MORC1: variants seen among roughly 807,000 people sequenced by gnomAD.
MORC1 encodes the protein MORC family CW-type zinc finger protein 1.
A neutral mutation model predicts 134.9 loss-of-function variants in MORC1; 59 were observed. The observed-to-expected ratio is 0.44, with a 90% confidence interval of 0.35 to 0.54. MORC1 has a LOEUF of 0.54. Among genes scored for constraint, MORC1 ranks in the 20% least tolerant of loss-of-function variants. MORC1 has a pLI of 0.00. For synonymous variants in MORC1, 395 were observed against 391.7 expected, an observed-to-expected ratio of 1.01 and a Z score of -0.10; for missense variants, 947 against 1,134.5, an observed-to-expected ratio of 0.83 and a Z score of 2.37.
At chr3:109,003,412 C>CACACAG (rs1464766992) in intron 20 of MORC1, among the ~76,000 whole-genome samples, 1 of 151,620 alleles carries the variant, frequency 6.6e-6, no homozygotes, top group East Asian at 1.9e-4. Context: ...CACACACACA[C>CACACAG]ACACACACAC....
At chr3:109,111,554 T>C (rs184633545) in intron 2 of MORC1, among the ~76,000 whole-genome samples, 254 of 152,366 alleles carry the variant, frequency 1.7e-3, no homozygotes, top group Middle Eastern at 3.4e-3. Flanking sequence ...TTTACAATTA[T>C]TTTTAAAAGT....
At chr3:109,061,934 A>T in intron 11 of MORC1, 54 bp downstream of exon 11, 1 of 1,504,758 alleles carries the variant, frequency 6.6e-7, no homozygotes, top group Non-Finnish European at 9.3e-7. Flanking sequence ...GCACAGGAAA[A>T]AGCAAATGAC....
chr3:109,059,609 G>A (rs1465319180), intron 12 of MORC1, among the ~76,000 whole-genome samples, 197 bp downstream of exon 12: 1 of 151,952 alleles, frequency 6.6e-6, no homozygotes, highest in East Asian at 1.9e-4. Context: ...ACGTGTACGT[G>A]CAAATATATA....
chr3:109,107,835 T>C (rs1369788390), intron 3 of MORC1, among the ~76,000 whole-genome samples: 1 of 152,160 alleles, frequency 6.6e-6, no homozygotes, highest in Non-Finnish European at 1.5e-5. Flanking sequence ...AAAACATGAA[T>C]AGGTAATTTT....
intron 22 of MORC1, among the ~76,000 whole-genome samples, chr3:108,986,207 T>A (rs1384769974): frequency 6.6e-6 from 1 of 152,018 alleles, no homozygotes; most frequent in Non-Finnish European, 1.5e-5. Context: ...TGGTATAATA[T>A]CAAAATTAAA....
chr3:108,989,818 T>TAGAA (rs1222227096), intron 21 of MORC1, among the ~76,000 whole-genome samples: 1 of 152,070 alleles, frequency 6.6e-6, no homozygotes, highest in East Asian at 1.9e-4. Flanking sequence ...TAACATTGGG[T>TAGAA]TTCTAGTGTG....
At chr3:109,018,478 C>T (rs1208614959) in intron 17 of MORC1, among the ~76,000 whole-genome samples, 2 of 151,900 alleles carry the variant, frequency 1.3e-5, no homozygotes, top group East Asian at 3.9e-4. Flanking sequence ...TCTTCCCCTA[C>T]CCCCAGAGAT....
At chr3:108,977,383 T>C (rs2107428137) in intron 24 of MORC1, among the ~76,000 whole-genome samples, 1 of 152,318 alleles carries the variant, frequency 6.6e-6, no homozygotes, top group Non-Finnish European at 1.5e-5. Context: ...TAGCTATTAT[T>C]GTTACTATTA....
chr3:109,035,230 A>C (rs1034698290), intron 15 of MORC1, 110 bp downstream of exon 15: 58 of 1,027,518 alleles, frequency 5.6e-5, no homozygotes, highest in Non-Finnish European at 6.6e-5. Flanking sequence ...AAACTCCTGG[A>C]AAGCAAGATG....
intron 14 of MORC1, among the ~76,000 whole-genome samples, chr3:109,036,254 C>A (rs901258051): frequency 8.6e-5 from 13 of 151,984 alleles, no homozygotes; most frequent in African/African-American, 3.1e-4. Flanking sequence ...TCAAGATCTC[C>A]AAGTTAAAGT....
At chr3:109,092,531 G>C (rs1950751803) in intron 8 of MORC1, among the ~76,000 whole-genome samples, 5 of 151,726 alleles carry the variant, frequency 3.3e-5, no homozygotes, top group Admixed American at 3.3e-4. Flanking sequence ...TGTGCTGTAT[G>C]TTGCAACACA....
At chr3:109,025,676 C>T (rs1164348918) in intron 17 of MORC1, among the ~76,000 whole-genome samples, 2 of 152,120 alleles carry the variant, frequency 1.3e-5, no homozygotes, top group Non-Finnish European at 2.9e-5. Context: ...AGCCACCATG[C>T]CCAACACCCC....
intron 8 of MORC1, among the ~76,000 whole-genome samples, chr3:109,090,001 T>C (rs1950684685): frequency 1.3e-5 from 2 of 152,172 alleles, no homozygotes; most frequent in South Asian, 4.1e-4. Flanking sequence ...CCTGGCACTC[T>C]CCGTAAGTCA....
chr3:109,009,122 G>A (rs1368692737), intron 17 of MORC1, among the ~76,000 whole-genome samples: 1 of 151,580 alleles, frequency 6.6e-6, no homozygotes, highest in Non-Finnish European at 1.5e-5. Flanking sequence ...TCTCTTGCTG[G>A]TTGAAGTTTG....
chr3:109,007,711 A>G (rs1948577889), intron 17 of MORC1, among the ~76,000 whole-genome samples: 1 of 152,168 alleles, frequency 6.6e-6, no homozygotes, highest in African/African-American at 2.4e-5. Context: ...AGGGAGAACT[A>G]ATTGCTTTAT....
intron 14 of MORC1, among the ~76,000 whole-genome samples, chr3:109,050,242 T>C (rs566719035): frequency 6.6e-5 from 10 of 152,350 alleles, no homozygotes; most frequent in African/African-American, 2.4e-4. Flanking sequence ...TTAGCCTGTG[T>C]CTTAGTCCAT....
chr3:109,052,908 T>C (rs1949862090), intron 14 of MORC1, among the ~76,000 whole-genome samples: 2 of 151,862 alleles, frequency 1.3e-5, no homozygotes, highest in South Asian at 4.2e-4. Flanking sequence ...ATAAGGAACT[T>C]AAAGAAATCA....
At chr3:109,100,807 T>C (rs971593401) in intron 4 of MORC1, among the ~76,000 whole-genome samples, 4 of 152,216 alleles carry the variant, frequency 2.6e-5, no homozygotes, top group Non-Finnish European at 5.9e-5. Context: ...TTTTTTGTCA[T>C]TATTCTCTAA....
At chr3:108,973,380 G>C (rs1360350468) in intron 24 of MORC1, among the ~76,000 whole-genome samples, 2 of 152,024 alleles carry the variant, frequency 1.3e-5, no homozygotes, top group Non-Finnish European at 2.9e-5. Context: ...CCAGAAGAAG[G>C]GGTTCTAACT....
Sources: gnomAD v4.1 joint callset for allele counts (sites outside exome capture counted in the v4.1 genomes callset) on GRCh38, gnomAD v4.1.1 for gene constraint, MANE v1.5 for transcripts, NCBI Gene and HGNC (gene_info 2026-07-23, HGNC 2026-07-21) for gene names.